The following SCD5 variants were observed in gnomAD, a reference collection of about 807,000 sequenced individuals.
SCD5 encodes the protein acyl-CoA-desaturase 4.
In SCD5, 20 loss-of-function variants were observed where a neutral mutation model predicts 30.4. That is an observed-to-expected ratio of 0.66 (90% CI 0.46 to 0.96). The LOEUF is 0.96. SCD5 is among the 40% of genes least tolerant of loss of function. SCD5 has a pLI of 0.00. For synonymous variants in SCD5, 173 were observed against 176.4 expected (o/e 0.98, Z 0.16); for missense variants, 381 against 443.3 (o/e 0.86, Z 1.26).
At chr4:82,664,027 A>G (rs554891464) in intron 3 of SCD5, among the ~76,000 whole-genome samples, 18 of 152,322 alleles carry the variant, frequency 1.2e-4, no homozygotes, top group African/African-American at 4.3e-4. Context: ...CTACTCTTAT[A>G]AACAGCCATG....
intron 3 of SCD5, 119 bp downstream of exon 3, chr4:82,680,588 G>A: frequency 2.2e-6 from 2 of 893,268 alleles, no homozygotes; most frequent in East Asian, 2.6e-5. Context: ...TATAAATATG[G>A]CAAAATTGTT....
intron 2 of SCD5, among the ~76,000 whole-genome samples, chr4:82,681,358 T>C (rs533599932): frequency 2.0e-5 from 3 of 152,304 alleles, no homozygotes; most frequent in Admixed American, 2.0e-4. Context: ...CATGTTGCTA[T>C]TGTGAATAGT....
Position 82,787,308 on chromosome 4 carries a change from C to CT in SCD5, c.232+10997dup, listed in dbSNP as rs774295152. 1.8e-3 allele frequency among the ~76,000 whole-genome samples: 266 copies of CT among 144,624 alleles called. 1 individual carries two copies. The highest frequency in any genetic ancestry group is 0.012 in the South Asian group (53 of 4,556). The allele number at this position is 144,624 out of a possible 152,430, so 94.9% of individuals were successfully genotyped here. On this transcript the variant is annotated intron_variant, in intron 1 of 4. Coordinates refer to ENST00000319540, the MANE Select transcript of SCD5 (RefSeq NM_001037582.3). ...ACACATTCTAAGTCACTGGTTTTCC[C>CT]TTTTTTTTTTTTTCTTTTAATTCAG...
intron 1 of SCD5, among the ~76,000 whole-genome samples, chr4:82,764,012 ATTTTTAATG>A (rs1421809322): frequency 1.3e-5 from 2 of 152,000 alleles, no homozygotes; most frequent in Non-Finnish European, 2.9e-5. Context: ...CCATCCTCCT[ATTTTTAATG>A]TTTGTGTCTT....
At chr4:82,750,232 C>G (rs75837588) in intron 1 of SCD5, among the ~76,000 whole-genome samples, 7 of 152,008 alleles carry the variant, frequency 4.6e-5, no homozygotes, top group Non-Finnish European at 1.0e-4. Context: ...TTGGGAGGGC[C>G]GGGGCACTTA....
intron 1 of SCD5, among the ~76,000 whole-genome samples, chr4:82,712,285 T>C (rs28522215): frequency 4.1e-3 from 182 of 44,558 alleles, no homozygotes; most frequent in Non-Finnish European, 5.3e-3. Context: ...TATATATATA[T>C]ATATATATAT....
chr4:82,658,860 G>C (rs534362952), intron 3 of SCD5, among the ~76,000 whole-genome samples: 8 of 152,026 alleles, frequency 5.3e-5, no homozygotes, highest in African/African-American at 1.9e-4. Context: ...AAATGAGTTA[G>C]GGAGGAGTCC....
At chr4:82,791,716 T>C (rs1722102414) in intron 1 of SCD5, among the ~76,000 whole-genome samples, 1 of 152,074 alleles carries the variant, frequency 6.6e-6, no homozygotes, top group Admixed American at 6.6e-5. Flanking sequence ...GACAGAGGAA[T>C]GGGTAGACTG....
chr4:82,688,316 G>T (rs542628973), intron 2 of SCD5, among the ~76,000 whole-genome samples: 8 of 151,914 alleles, frequency 5.3e-5, no homozygotes, highest in African/African-American at 1.9e-4. Flanking sequence ...GCGTGCGTGT[G>T]GTGTGTGTGT....
chr4:82,672,680 G>GGAAT (rs1728353796), intron 3 of SCD5, among the ~76,000 whole-genome samples: 1 of 151,880 alleles, frequency 6.6e-6, no homozygotes, highest in South Asian at 2.1e-4. Context: ...AAAAGCAGAG[G>GGAAT]GAATACTTCT....
chr4:82,664,123 G>A (rs750906426), intron 3 of SCD5, among the ~76,000 whole-genome samples: 3 of 152,102 alleles, frequency 2.0e-5, no homozygotes, highest in African/African-American at 4.8e-5. Context: ...AGGTGTGCAG[G>A]GACAGCTAAA....
chr4:82,718,652 A>G (rs1377179391), intron 1 of SCD5, among the ~76,000 whole-genome samples: 2 of 151,814 alleles, frequency 1.3e-5, no homozygotes, highest in African/African-American at 4.9e-5. Context: ...TTAATAATGC[A>G]ATATTCTTTC....
At chr4:82,636,857 C>A in intron 3 of SCD5, 34 bp from the exon 4 acceptor site, 1 of 1,533,216 alleles carries the variant, frequency 6.5e-7, no homozygotes, top group Non-Finnish European at 8.9e-7. Flanking sequence ...CCATGAGGAC[C>A]CGCTGATGGG....
chr4:82,685,800 G>C (rs1382802603), intron 2 of SCD5, among the ~76,000 whole-genome samples: 1 of 151,924 alleles, frequency 6.6e-6, no homozygotes, highest in East Asian at 1.9e-4. Flanking sequence ...ATTTTACTTA[G>C]TGTAACATAC....
intron 1 of SCD5, among the ~76,000 whole-genome samples, chr4:82,763,204 T>C (rs986437508): frequency 4.1e-4 from 63 of 152,140 alleles, no homozygotes; most frequent in African/African-American, 1.5e-3. Flanking sequence ...TATTTGGAGA[T>C]AGGGCCTTTT....
intron 2 of SCD5, among the ~76,000 whole-genome samples, chr4:82,689,077 T>C (rs1728774316): frequency 3.9e-5 from 6 of 152,156 alleles, no homozygotes; most frequent in Admixed American, 3.9e-4. Flanking sequence ...TAGAAAACAA[T>C]GATAACCCAA....
intron 3 of SCD5, among the ~76,000 whole-genome samples, chr4:82,645,625 T>G (rs1727621442): frequency 6.6e-6 from 1 of 152,214 alleles, no homozygotes; most frequent in Non-Finnish European, 1.5e-5. Flanking sequence ...CCTCAGCATT[T>G]AATTCTGGAC....
At chr4:82,783,752 G>A (rs1721929097) in intron 1 of SCD5, among the ~76,000 whole-genome samples, 1 of 149,856 alleles carries the variant, frequency 6.7e-6, no homozygotes, top group South Asian at 2.1e-4. Flanking sequence ...GCAGTGAGCC[G>A]AGATCGCACC....
intron 3 of SCD5, among the ~76,000 whole-genome samples, chr4:82,665,051 T>TAC (rs1553914975): frequency 1.5e-4 from 12 of 80,410 alleles, no homozygotes; most frequent in Admixed American, 1.3e-3. Context: ...CACACATATA[T>TAC]ACACACACAC....
Sources: gnomAD v4.1 joint callset for allele counts (sites outside exome capture counted in the v4.1 genomes callset) on GRCh38, gnomAD v4.1.1 for gene constraint, MANE v1.5 for transcripts, NCBI Gene and HGNC (gene_info 2026-07-23, HGNC 2026-07-21) for gene names.